DGLUCY: variants seen among roughly 807,000 people sequenced by gnomAD.
The protein encoded by DGLUCY is D-glutamate cyclase, mitochondrial.
Under a neutral mutation model 58.5 loss-of-function variants are expected in DGLUCY, and 58 were observed. The ratio of observed to expected loss-of-function variants is 0.99; its 90% confidence interval spans 0.80 to 1.23. The LOEUF (loss-of-function observed/expected upper bound fraction) is 1.23. Ranked by LOEUF, DGLUCY falls within the 50% of genes most tolerant of loss-of-function variation. DGLUCY has a pLI of 0.00. For missense variants in DGLUCY, 779 were observed against 784.7 expected, an observed-to-expected ratio of 0.99 and a Z score of 0.09; for synonymous variants, 325 against 314.1, an observed-to-expected ratio of 1.03 and a Z score of -0.37.
chr14:91,165,243 A>C, intron 3 of DGLUCY: 1 of 456,248 alleles, frequency 2.2e-6, no homozygotes, highest in Non-Finnish European at 4.4e-6. Context: ...AAACATCTAC[A>C]CAGGATTTCA....
At chr14:91,066,545 C>T (rs2043825608) in intron 1 of DGLUCY, among the ~76,000 whole-genome samples, 2 of 152,064 alleles carry the variant, frequency 1.3e-5, no homozygotes, top group Admixed American at 1.3e-4. Context: ...TAGCTTTATA[C>T]CTCTTCACTG....
At chr14:91,213,834 G>A (rs1886100482) in intron 12 of DGLUCY, among the ~76,000 whole-genome samples, 2 of 151,932 alleles carry the variant, frequency 1.3e-5, no homozygotes. Context: ...TGAGTAGCTA[G>A]GATTACAGGC....
intron 1 of DGLUCY, among the ~76,000 whole-genome samples, chr14:91,151,288 G>C (rs561173339): frequency 6.6e-6 from 1 of 152,346 alleles, no homozygotes; most frequent in African/African-American, 2.4e-5. Context: ...CGCCCAGGCT[G>C]GTGTGCAGTG....
At chr14:91,190,811 T>C (rs2049837065) in intron 9 of DGLUCY, among the ~76,000 whole-genome samples, 1 of 151,928 alleles carries the variant, frequency 6.6e-6, no homozygotes, top group African/African-American at 2.4e-5. Flanking sequence ...CTGGGTGAGA[T>C]GGGGAGCCTG....
intron 12 of DGLUCY, among the ~76,000 whole-genome samples, chr14:91,210,941 G>A (rs891984733): frequency 3.3e-5 from 5 of 152,126 alleles, no homozygotes; most frequent in African/African-American, 1.2e-4. Context: ...CTTGCAGATG[G>A]CATGATTGTC....
chr14:91,209,435 G>A (rs923947746), intron 12 of DGLUCY, among the ~76,000 whole-genome samples: 2 of 152,152 alleles, frequency 1.3e-5, no homozygotes, highest in Non-Finnish European at 2.9e-5. Context: ...GAGGCCGCGT[G>A]CGGTGGCTCA....
At chr14:91,127,053 CTT>C (rs11407228) in intron 1 of DGLUCY, among the ~76,000 whole-genome samples, 3 of 98,372 alleles carry the variant, frequency 3.0e-5, no homozygotes, top group Non-Finnish European at 3.8e-5. Flanking sequence ...TGATGATACT[CTT>C]TTTTTTTTTT....
upstream of DGLUCY, among the ~76,000 whole-genome samples, chr14:91,110,977 T>C (rs1466645441): frequency 2.0e-5 from 3 of 152,184 alleles, no homozygotes; most frequent in African/African-American, 7.2e-5. Context: ...AGGTACTTCA[T>C]ATAAGCGAGA....
chr14:91,129,767 C>T (rs1342658592), intron 1 of DGLUCY, among the ~76,000 whole-genome samples: 2 of 152,088 alleles, frequency 1.3e-5, no homozygotes, highest in East Asian at 1.9e-4. Flanking sequence ...CTGCCTCAGC[C>T]TCCCTAGTAG....
chr14:91,089,844 G>T (rs1224689470), intron 1 of DGLUCY, among the ~76,000 whole-genome samples: 1 of 151,106 alleles, frequency 6.6e-6, no homozygotes, highest in Non-Finnish European at 1.5e-5. Flanking sequence ...GCATGAAAAG[G>T]GTCATCTACT....
intron 11 of DGLUCY, among the ~76,000 whole-genome samples, chr14:91,201,942 C>A (rs1482908832): frequency 6.6e-6 from 1 of 151,872 alleles, no homozygotes; most frequent in South Asian, 2.1e-4. Flanking sequence ...GTGATTCCAG[C>A]TCCTCAGGAG....
chr14:91,163,462 C>T (rs558957647), intron 3 of DGLUCY, among the ~76,000 whole-genome samples: 163 of 152,268 alleles, frequency 1.1e-3, no homozygotes, highest in Non-Finnish European at 1.6e-3. Context: ...CTCACGTGTC[C>T]TCATTTGGAA....
chr14:91,155,852 T>C (rs1265564763), intron 1 of DGLUCY, among the ~76,000 whole-genome samples: 2 of 148,766 alleles, frequency 1.3e-5, no homozygotes, highest in East Asian at 3.9e-4. Context: ...CTCTCTTCCA[T>C]CAGGGCCACC....
chr14:91,166,850 A>G (rs1016122188), intron 3 of DGLUCY, among the ~76,000 whole-genome samples: 1 of 152,166 alleles, frequency 6.6e-6, no homozygotes, highest in African/African-American at 2.4e-5. Flanking sequence ...CCTGTAACCC[A>G]GCACTTTGGG....
At chr14:91,189,283 C>A in intron 9 of DGLUCY, 113 bp downstream of exon 9, 1 of 1,352,986 alleles carries the variant, frequency 7.4e-7, no homozygotes, top group Non-Finnish European at 1.0e-6. Flanking sequence ...AGAACAACTC[C>A]GTTGTAAGCT....
chr14:91,090,221 T>C (rs1269584653), intron 1 of DGLUCY, among the ~76,000 whole-genome samples: 1 of 151,956 alleles, frequency 6.6e-6, no homozygotes, highest in Non-Finnish European at 1.5e-5. Context: ...CATCAGGTTC[T>C]TATGGGGGAA....
At chr14:91,113,298 T>C (rs1416085904), upstream of DGLUCY, among the ~76,000 whole-genome samples, 2 of 152,156 alleles carry the variant, frequency 1.3e-5, no homozygotes, top group Non-Finnish European at 2.9e-5. Context: ...AGACTCTGTC[T>C]CAAAATAACA....
At chr14:91,102,869 C>T (rs1429199936) in intron 1 of DGLUCY, among the ~76,000 whole-genome samples, 2 of 151,756 alleles carry the variant, frequency 1.3e-5, no homozygotes, top group African/African-American at 4.8e-5. Context: ...ACAAGCAATT[C>T]TCCTGCCTCA....
At chr14:91,155,296 A>G (rs1284008062) in intron 1 of DGLUCY, among the ~76,000 whole-genome samples, 1 of 152,132 alleles carries the variant, frequency 6.6e-6, no homozygotes, top group Non-Finnish European at 1.5e-5. Context: ...AACATGGGTA[A>G]CACTTCCACA....
Sources: gnomAD v4.1 joint callset for allele counts (sites outside exome capture counted in the v4.1 genomes callset) on GRCh38, gnomAD v4.1.1 for gene constraint, MANE v1.5 for transcripts, NCBI Gene and HGNC (gene_info 2026-07-23, HGNC 2026-07-21) for gene names.